TMA16: variants seen among roughly 807,000 people sequenced by gnomAD.
TMA16 encodes the protein translation machinery-associated protein 16.
A neutral mutation model predicts 27.1 loss-of-function variants in TMA16; 26 were observed. That is an observed-to-expected ratio of 0.96 (90% CI 0.70 to 1.33). The LOEUF (loss-of-function observed/expected upper bound fraction) is 1.33. Among genes scored for constraint, TMA16 ranks in the 40% most tolerant of loss-of-function variants. The probability of loss-of-function intolerance (pLI) is 0.00; values close to 1 mark genes in which losing one functional copy is unlikely to be tolerated. For missense variants in TMA16, 233 were observed against 241.4 expected, an observed-to-expected ratio of 0.97 and a Z score of 0.23; for synonymous variants, 71 against 81.9, an observed-to-expected ratio of 0.87 and a Z score of 0.72.
Position 163,519,662 on chromosome 4 carries a change from T to G in TMA16, c.*148T>G, listed in dbSNP as rs1737940211. On this transcript the variant is annotated 3_prime_UTR_variant, in exon 7 of 7. Coordinates refer to ENST00000358572, the MANE Select transcript of TMA16 (RefSeq NM_018352.3). ...CATTTGCGTTTCAAAAATGGTGTTA[T>G]GATACTTATTTTAAAATGAAGATTG... 1 of 761,174 alleles carries G rather than the reference T, an allele frequency of 1.3e-6. No homozygotes were observed. The highest frequency in any genetic ancestry group is 2.0e-6 in the Non-Finnish European group (1 of 497,606). 47.2% of individuals were successfully genotyped at this position (761,174 alleles called of 1,614,324 possible).
chr4:163,513,990 G>A lies in TMA16; in HGVS notation c.155-84G>A, dbSNP rs1289442396. ...TAAATTTTGGTTCTGTTTTAAACACGTTAATGTTGAAAATGATAATGAATA... is the reference window on the plus strand; with the variant it reads ...TAAATTTTGGTTCTGTTTTAAACACATTAATGTTGAAAATGATAATGAATA... On this transcript the variant is annotated intron_variant, in intron 3 of 6. Coordinates refer to ENST00000358572, the MANE Select transcript of TMA16 (RefSeq NM_018352.3). The A allele has an allele frequency of 5.5e-6, 6 of 1,088,556 alleles. No individual in the cohort carries two copies. In the East Asian group the frequency reaches 7.9e-5, roughly 14 times the overall value. The allele number at this position is 1,088,556 out of a possible 1,614,324, so 67.4% of individuals were successfully genotyped here.
rs1173253966 is a variant in TMA16 at position 163,517,597 on chromosome 4, C to A, written c.431+121C>A. 3 of 849,264 alleles carry A rather than the reference C, an allele frequency of 3.5e-6. No homozygotes were observed. In the Middle Eastern group the frequency reaches 9.4e-4, roughly 266 times the overall value. 52.6% of individuals were successfully genotyped at this position (849,264 alleles called of 1,614,324 possible). A position where few individuals can be genotyped will look rare whatever the true frequency, so the allele number is the denominator to read the frequency against. ...AAAATCGGGTTTCTTTTAACCTTTT[C>A]TTTTTTATCTGACCAAGTAAGAATT... On this transcript the variant is annotated intron_variant, in intron 6 of 6. Coordinates refer to ENST00000358572, the MANE Select transcript of TMA16 (RefSeq NM_018352.3).
intron 1 of TMA16, among the ~76,000 whole-genome samples, chr4:163,504,367 C>G (rs1006123547): frequency 6.6e-6 from 1 of 152,158 alleles, no homozygotes; most frequent in Non-Finnish European, 1.5e-5. Context: ...TATGATCTCT[C>G]CCTTTCTTTG....
intron 1 of TMA16, among the ~76,000 whole-genome samples, chr4:163,504,255 C>A (rs536961567): frequency 1.3e-5 from 2 of 152,292 alleles, no homozygotes; most frequent in African/African-American, 4.8e-5. Context: ...GATCAGATCT[C>A]TTTTCACAGG....
At chr4:163,511,442 A>G (rs1269793922) in intron 2 of TMA16, among the ~76,000 whole-genome samples, 2 of 152,076 alleles carry the variant, frequency 1.3e-5, no homozygotes, top group Non-Finnish European at 2.9e-5. Context: ...GACTGTTTAT[A>G]TATTCTAGAT....
rs866947030 is a variant in TMA16 at position 163,517,517 on chromosome 4, A to G, written c.431+41A>G. The G allele has an allele frequency of 6.4e-6, 10 of 1,565,206 alleles. No individual in the cohort carries two copies. In the Middle Eastern group the frequency reaches 1.2e-3, roughly 185 times the overall value. On this transcript the variant is annotated intron_variant, in intron 6 of 6. Transcript: ENST00000358572. ...ATTGTTCCCCTGAAGCTGTGTGTAA[A>G]GTACCTGACAGGTGAACTTTCTTCC...
chr4:163,515,260 A>T lies in TMA16; in HGVS notation c.240-53A>T, dbSNP rs990309764. 12 of 1,508,868 alleles carry T rather than the reference A, an allele frequency of 8.0e-6. No homozygotes were observed. The African/African-American group carries it at 1.7e-4, about 21-fold the overall frequency. The allele number at this position is 1,508,868 out of a possible 1,614,324, so 93.5% of individuals were successfully genotyped here. On this transcript the variant is annotated intron_variant, in intron 4 of 6. Coordinates refer to ENST00000358572, the MANE Select transcript of TMA16 (RefSeq NM_018352.3). ...TACTAAGTTTTCCATTAAGTAATGT[A>T]AGCCCAATACATATACTTTGTATGT...
intron 5 of TMA16, chr4:163,516,250 G>A (rs947718808): frequency 1.3e-5 from 2 of 152,268 alleles, no homozygotes; most frequent in African/African-American, 4.8e-5. Context: ...GGATGGGTCT[G>A]ATGAACAGAC....
At chr4:163,510,254 A>G (rs1211240349) in intron 2 of TMA16, among the ~76,000 whole-genome samples, 1 of 152,238 alleles carries the variant, frequency 6.6e-6, no homozygotes, top group African/African-American at 2.4e-5. Context: ...AATATATAAT[A>G]AAGCGAACAC....
chr4:163,507,088 A>G lies in TMA16; in HGVS notation c.59A>G (p.Tyr20Cys), dbSNP rs1378074789. Residue 20 changes from tyrosine (Y) to cysteine (C), a missense_variant, in exon 2 of 7, where the codon TAT becomes TGT. Transcript: ENST00000358572. Reference sequence around the variant, plus strand: ...CGGGAAAAAAAAGTCATCCATCCATATAGTAGAAAAGCAGCTCAAATTACG... The same window carrying G: ...CGGGAAAAAAAAGTCATCCATCCATGTAGTAGAAAAGCAGCTCAAATTACG... ...AGREKKVIHP[Y>C]SRKAAQITRE... 6.9e-6 allele frequency: 11 copies of G among 1,595,894 alleles called. No individual in the cohort carries two copies. The highest frequency in any genetic ancestry group is 1.3e-5 in the African/African-American group (1 of 74,790).
At chr4:163,508,156 G>A (rs1226979512) in intron 2 of TMA16, among the ~76,000 whole-genome samples, 2 of 152,004 alleles carry the variant, frequency 1.3e-5, no homozygotes, top group East Asian at 3.8e-4. Context: ...GATTTTTGCT[G>A]TATCTTTTTA....
chr4:163,498,130 AACTT>A (rs891192703), intron 1 of TMA16, among the ~76,000 whole-genome samples: 37 of 152,052 alleles, frequency 2.4e-4, no homozygotes, highest in Admixed American at 9.2e-4. Flanking sequence ...TTGCTTCTGT[AACTT>A]ACTTAACCCG....
At chr4:163,498,176 C>A (rs1213412954) in intron 1 of TMA16, among the ~76,000 whole-genome samples, 1 of 152,006 alleles carries the variant, frequency 6.6e-6, no homozygotes, top group Admixed American at 6.6e-5. Flanking sequence ...TGTTTACATT[C>A]TTTTGCTACC....
At position 163,507,079 on chromosome 4, in the gene TMA16, T is replaced by A; in HGVS notation, c.50T>A (p.Ile17Asn). ...AGTGCAGGACGGGAAAAAAAAGTCA[T>A]CCATCCATATAGTAGAAAAGCAGCT... ...GKSAGREKKV[I>N]HPYSRKAAQI... The change falls in exon 2 of 7, where the codon ATC becomes AAC. Residue 17 changes from isoleucine to asparagine, a missense_variant. Ile to Asn is a moderately radical substitution (Grantham distance 149, BLOSUM62 -3). Transcript: ENST00000358572. The A allele has an allele frequency of 6.3e-7, 1 of 1,595,636 alleles. No individual in the cohort carries two copies. The highest frequency in any genetic ancestry group is 8.5e-7 in the Non-Finnish European group (1 of 1,170,266).
Position 163,519,775 on chromosome 4 carries a change from G to A in TMA16, c.*261G>A. 1 of 502,276 alleles carries A rather than the reference G, an allele frequency of 2.0e-6. No homozygotes were observed. Among genetic ancestry groups the A allele is most frequent in the Non-Finnish European group, 3.5e-6 (1 of 289,386 alleles). The allele number at this position is 502,276 out of a possible 1,614,324, so 31.1% of individuals were successfully genotyped here. A position where few individuals can be genotyped will look rare whatever the true frequency, so the allele number is the denominator to read the frequency against. On this transcript the variant is annotated 3_prime_UTR_variant, in exon 7 of 7. Transcript: ENST00000358572. ...CATCTGAATTTCAGGCTGGGAGGGA[G>A]CAATATAACTAAGGACAAAAAATGT...
chr4:163,507,063 CG>C lies in TMA16; in HGVS notation c.37del (p.Glu13LysfsTer28). The C allele has an allele frequency of 6.3e-7, 1 of 1,593,170 alleles. No homozygotes were observed. The highest frequency in any genetic ancestry group is 1.7e-5 in the Admixed American group (1 of 57,338). On this transcript the variant is annotated frameshift_variant, in exon 2 of 7. Coordinates refer to ENST00000358572, the MANE Select transcript of TMA16 (RefSeq NM_018352.3). LOFTEE classifies it high-confidence loss of function. ...PKAPKGKSAG[R>X]EKKVIHPYSR... is the part of the protein sequence containing the mutation. Reference sequence around the variant, plus strand: ...AGCACCAAAGGGAAAAAGTGCAGGACGGGAAAAAAAAGTCATCCATCCATAT... The same window carrying C: ...AGCACCAAAGGGAAAAAGTGCAGGACGGAAAAAAAAGTCATCCATCCATAT...
In TMA16 at chr4:163,519,861, C is replaced by T; in HGVS notation, c.*347C>T. ...CACGTTTTGTGAAATGGACAGTAAC[C>T]TGTTTCCTGAAAGATTCCTGTGGGT... On this transcript the variant is annotated 3_prime_UTR_variant, in exon 7 of 7. Coordinates refer to ENST00000358572, the MANE Select transcript of TMA16 (RefSeq NM_018352.3). 1.9e-6 allele frequency: 1 copy of T among 525,846 alleles called. No individual in the cohort carries two copies. The highest frequency in any genetic ancestry group is 3.4e-6 in the Non-Finnish European group (1 of 297,652). 32.6% of individuals were successfully genotyped at this position (525,846 alleles called of 1,614,324 possible).
intron 2 of TMA16, 153 bp from the exon 3 acceptor site, chr4:163,512,669 A>G (rs894255264): frequency 7.4e-6 from 4 of 537,244 alleles, no homozygotes; most frequent in African/African-American, 1.9e-5. Flanking sequence ...CATAGTATTT[A>G]ATGTTTCTGT....
At chr4:163,513,974 G>T (rs762113006) in intron 3 of TMA16, 100 bp from the exon 4 acceptor site, 5 of 844,836 alleles carry the variant, frequency 5.9e-6, no homozygotes, top group Admixed American at 3.0e-5. Context: ...ATAAATTTTG[G>T]TTCTGTTTTA....
Sources: allele counts gnomAD v4.1 joint callset (sites outside exome capture counted in the v4.1 genomes callset), GRCh38; gene constraint gnomAD v4.1.1; transcripts MANE v1.5; gene names NCBI Gene and HGNC (gene_info 2026-07-23, HGNC 2026-07-21).